MAGI2: variants seen among roughly 807,000 people sequenced by gnomAD.
MAGI2 encodes the protein membrane associated guanylate kinase, WW and PDZ domain containing 2, also known as membrane-associated guanylate kinase, WW and PDZ domain-containing protein 2.
In MAGI2, 35 loss-of-function variants were observed where a neutral mutation model predicts 133.3. The observed-to-expected ratio is 0.26, with a 90% CI of 0.20 to 0.35. MAGI2 has a LOEUF of 0.35. Ranked by LOEUF, MAGI2 falls within the 10% of genes least tolerant of loss-of-function variation. MAGI2 has a pLI of 1.00. For synonymous variants in MAGI2, 729 were observed against 710.6 expected (o/e 1.03, Z -0.41); for missense variants, 1,636 against 1,863.4 (o/e 0.88, Z 2.25).
intron 1 of MAGI2, among the ~76,000 whole-genome samples, chr7:79,441,651 A>G (rs77163866): frequency 0.023 from 3,466 of 152,178 alleles, 99 homozygotes; most frequent in East Asian, 0.12. Flanking sequence ...AAATGATTTT[A>G]AATTTAAAAC....
At chr7:79,032,369 T>A (rs904438995) in intron 1 of MAGI2, among the ~76,000 whole-genome samples, 1 of 151,782 alleles carries the variant, frequency 6.6e-6, no homozygotes, top group African/African-American at 2.4e-5. Flanking sequence ...ATATAAAAAA[T>A]TAGATGGGTT....
chr7:78,667,322 C>T (rs963475562), intron 2 of MAGI2, among the ~76,000 whole-genome samples: 3 of 150,964 alleles, frequency 2.0e-5, no homozygotes, highest in Non-Finnish European at 4.4e-5. Flanking sequence ...TCAAATAAAA[C>T]AAAGCGTGCA....
intron 1 of MAGI2, among the ~76,000 whole-genome samples, chr7:79,192,277 A>C (rs1458761534): frequency 6.6e-6 from 1 of 151,882 alleles, no homozygotes; most frequent in Non-Finnish European, 1.5e-5. Flanking sequence ...TGAAGTGTAG[A>C]ATTTTTATCT....
At position 78,072,851 on chromosome 7, in the gene MAGI2, A is replaced by G. The variant is rs191924296; in HGVS notation, c.3706+6096T>C. The G allele has an allele frequency of 2.0e-5, 8 of 398,350 alleles. No individual in the cohort carries two copies. The East Asian group carries it at 2.9e-4, about 14-fold the overall frequency. 24.7% of individuals were successfully genotyped at this position (398,350 alleles called of 1,614,324 possible). A position where few individuals can be genotyped will look rare whatever the true frequency, so the allele number is the denominator to read the frequency against. On this transcript the variant is annotated intron_variant, in intron 21 of 21. Coordinates refer to ENST00000354212, the MANE Select transcript of MAGI2 (RefSeq NM_012301.4). ...CTTGGCTAATTTTTTTGTAGAGACAAGGTCTCCCTATGTTGCCTCTTCTGT... is the reference window on the plus strand; with the variant it reads ...CTTGGCTAATTTTTTTGTAGAGACAGGGTCTCCCTATGTTGCCTCTTCTGT...
intron 4 of MAGI2, among the ~76,000 whole-genome samples, chr7:78,506,214 G>T (rs1795068243): frequency 6.6e-6 from 1 of 152,082 alleles, no homozygotes; most frequent in Admixed American, 6.6e-5. Flanking sequence ...TATTTAGAGG[G>T]TAGATTTTAT....
chr7:79,334,312 G>C (rs1373888853), intron 1 of MAGI2, among the ~76,000 whole-genome samples: 1 of 152,180 alleles, frequency 6.6e-6, no homozygotes, highest in Non-Finnish European at 1.5e-5. Context: ...ATGTCAGTAA[G>C]CATGGTTAAG....
intron 2 of MAGI2, among the ~76,000 whole-genome samples, chr7:78,689,496 T>A (rs1279613627): frequency 6.6e-6 from 1 of 152,150 alleles, no homozygotes; most frequent in African/African-American, 2.4e-5. Context: ...TAACCTCCAA[T>A]CTAATTACGA....
At chr7:79,252,156 C>CAAAAAAAAA (rs1208897198) in intron 1 of MAGI2, among the ~76,000 whole-genome samples, 6 of 102,586 alleles carry the variant, frequency 5.8e-5, no homozygotes, top group African/African-American at 8.1e-5. Context: ...GACCCTGTCT[C>CAAAAAAAAA]AAAAAAAAAA....
At chr7:79,408,964 A>G (rs975808257) in intron 1 of MAGI2, among the ~76,000 whole-genome samples, 8 of 152,190 alleles carry the variant, frequency 5.3e-5, no homozygotes, top group Non-Finnish European at 1.2e-4. Flanking sequence ...CATGCACAGA[A>G]ATTGTATATC....
chr7:78,241,929 G>A (rs534220730), intron 10 of MAGI2, among the ~76,000 whole-genome samples: 7 of 148,606 alleles, frequency 4.7e-5, no homozygotes, highest in Non-Finnish European at 8.9e-5. Flanking sequence ...GCGAGAACCC[G>A]TCTCAAAAAA....
In MAGI2 at chr7:78,475,462, A is replaced by G. The variant is rs1317968781; in HGVS notation, c.1045+14299T>C. On this transcript the variant is annotated intron_variant, in intron 6 of 21. Transcript: ENST00000354212. ...TATTTTCCTCCATGAAGGATTTCATAGAGAAAAGTATAGAATAAAGATTAG... is the reference window on the plus strand; with the variant it reads ...TATTTTCCTCCATGAAGGATTTCATGGAGAAAAGTATAGAATAAAGATTAG... Among the ~76,000 whole-genome samples, 4 of 152,106 alleles carry G rather than the reference A, an allele frequency of 2.6e-5. No homozygotes were observed. The East Asian group carries it at 7.8e-4, about 30-fold the overall frequency.
At chr7:78,851,705 A>G (rs1166440530) in intron 2 of MAGI2, among the ~76,000 whole-genome samples, 1 of 152,174 alleles carries the variant, frequency 6.6e-6, no homozygotes, top group Non-Finnish European at 1.5e-5. Flanking sequence ...TGTATTTATC[A>G]TTCAATATTA....
chr7:79,433,495 C>G (rs898287388), intron 1 of MAGI2, among the ~76,000 whole-genome samples: 3 of 151,606 alleles, frequency 2.0e-5, no homozygotes, highest in Non-Finnish European at 4.4e-5. Flanking sequence ...GGAGCTTGCA[C>G]TGAGGCGAGA....
chr7:78,739,994 T>C (rs1377916210), intron 2 of MAGI2, among the ~76,000 whole-genome samples: 1 of 151,972 alleles, frequency 6.6e-6, no homozygotes, highest in Non-Finnish European at 1.5e-5. Flanking sequence ...CCGTTTCTAC[T>C]AAAAAGAATA....
chr7:78,520,402 C>A (rs904213359), intron 4 of MAGI2, among the ~76,000 whole-genome samples: 3 of 151,894 alleles, frequency 2.0e-5, no homozygotes, highest in Admixed American at 2.0e-4. Context: ...CATAAAAATT[C>A]CAATACTATG....
intron 9 of MAGI2, among the ~76,000 whole-genome samples, chr7:78,337,584 T>G (rs992371488): frequency 7.9e-5 from 12 of 152,204 alleles, no homozygotes; most frequent in Non-Finnish European, 1.8e-4. Context: ...TCATGTTGAT[T>G]TCAATGTCAA....
intron 2 of MAGI2, among the ~76,000 whole-genome samples, chr7:78,923,734 G>C (rs549043159): frequency 3.9e-5 from 6 of 152,286 alleles, no homozygotes; most frequent in African/African-American, 1.4e-4. Flanking sequence ...TGTGAAGAAA[G>C]TAATTGGTAG....
intron 6 of MAGI2, among the ~76,000 whole-genome samples, chr7:78,393,990 A>T (rs1376358520): frequency 1.3e-5 from 2 of 152,096 alleles, no homozygotes; most frequent in Non-Finnish European, 2.9e-5. Flanking sequence ...AAGCTAGAGA[A>T]CCAGAAAAGC....
At position 78,963,230 on chromosome 7, in the gene MAGI2, A is replaced by G. The variant is rs1217324074; in HGVS notation, c.418+43860T>C. 4.6e-5 allele frequency among the ~76,000 whole-genome samples: 7 copies of G among 152,146 alleles called. No homozygotes were observed. In the East Asian group the frequency reaches 1.4e-3, roughly 29 times the overall value. On this transcript the variant is annotated intron_variant, in intron 2 of 21. Transcript: ENST00000354212. The stretch of plus-strand genomic sequence containing the variant: ...GTTGTGACAGAGAATGTCTGGCCCA[A>G]AAGCCTAAAATATTTACTATCACAT...
Sources: gnomAD v4.1 joint callset for allele counts (sites outside exome capture counted in the v4.1 genomes callset) on GRCh38, gnomAD v4.1.1 for gene constraint, MANE v1.5 for transcripts, NCBI Gene and HGNC (gene_info 2026-07-23, HGNC 2026-07-21) for gene names.